The following GSK3B variants were observed in gnomAD, a reference collection of about 807,000 sequenced individuals.
GSK3B encodes glycogen synthase kinase-3 beta.
GSK3B carries 15 observed loss-of-function variants against 56.4 expected under a neutral mutation model. The observed-to-expected ratio is 0.27, with a 90% CI of 0.18 to 0.41. GSK3B has a LOEUF of 0.41. Ranked by LOEUF, GSK3B falls within the 10% of genes least tolerant of loss-of-function variation. The pLI is 1.00. For missense variants in GSK3B, 300 were observed against 513.4 expected (o/e 0.58, Z 4.02); for synonymous variants, 181 against 188.9 (o/e 0.96, Z 0.34).
intron 1 of GSK3B, among the ~76,000 whole-genome samples, chr3:120,046,512 T>C (rs956008442): frequency 6.6e-6 from 1 of 152,100 alleles, no homozygotes; most frequent in African/African-American, 2.4e-5. Flanking sequence ...TCTTAAAAAG[T>C]AAGAAAGAAA....
intron 2 of GSK3B, among the ~76,000 whole-genome samples, chr3:119,957,088 T>A (rs2057221805): frequency 6.6e-6 from 1 of 152,260 alleles, no homozygotes. Flanking sequence ...GGAAAGTTCC[T>A]TACCGTCAAT....
intron 7 of GSK3B, among the ~76,000 whole-genome samples, chr3:119,904,887 T>C (rs553002409): frequency 5.5e-4 from 83 of 152,032 alleles, no homozygotes; most frequent in African/African-American, 1.9e-3. Context: ...CCAGAGACAG[T>C]AGGTGTTGTT....
intron 1 of GSK3B, among the ~76,000 whole-genome samples, chr3:120,092,842 A>C (rs913773167): frequency 6.6e-6 from 1 of 152,240 alleles, no homozygotes; most frequent in African/African-American, 2.4e-5. Context: ...GTAGTCATAC[A>C]AACAAGAAAA....
At chr3:120,070,123 G>C (rs2058314336) in intron 1 of GSK3B, among the ~76,000 whole-genome samples, 1 of 151,800 alleles carries the variant, frequency 6.6e-6, no homozygotes, top group African/African-American at 2.4e-5. Flanking sequence ...TGAGGCAGAA[G>C]AATCACTTGA....
intron 2 of GSK3B, among the ~76,000 whole-genome samples, chr3:119,999,295 G>A (rs1054083182): frequency 6.6e-6 from 1 of 152,216 alleles, no homozygotes; most frequent in Non-Finnish European, 1.5e-5. Context: ...AGAAGGGGTA[G>A]AGGGGCTTGA....
At chr3:120,040,208 C>T (rs2058053743) in intron 1 of GSK3B, among the ~76,000 whole-genome samples, 1 of 152,248 alleles carries the variant, frequency 6.6e-6, no homozygotes, top group African/African-American at 2.4e-5. Context: ...CTACTGCTTG[C>T]AGTGCTGCTT....
intron 7 of GSK3B, among the ~76,000 whole-genome samples, chr3:119,903,078 C>A (rs1344722636): frequency 6.6e-6 from 1 of 152,136 alleles, no homozygotes; most frequent in East Asian, 1.9e-4. Context: ...AGTTTATTAA[C>A]CTTCATGCAA....
chr3:119,955,979 T>G (rs1559852087), intron 2 of GSK3B, among the ~76,000 whole-genome samples: 3 of 152,102 alleles, frequency 2.0e-5, no homozygotes, highest in Non-Finnish European at 4.4e-5. Context: ...ACAAGATATT[T>G]GTTTTAGGAA....
chr3:120,048,402 C>A lies in GSK3B; in HGVS notation c.88+44945G>T, dbSNP rs543505552. On this transcript the variant is annotated intron_variant, in intron 1 of 10. Coordinates refer to ENST00000264235, the MANE Select transcript of GSK3B (RefSeq NM_001146156.2). ...AATTGTTCCAAGACTCATACAAAGT[C>A]TAGCATAGTCACTAAGAGCATAAAC... Among the ~76,000 whole-genome samples, 10 of 152,334 alleles carry A rather than the reference C, an allele frequency of 6.6e-5. 1 individual carries two copies. The South Asian group carries it at 2.1e-3, about 32-fold the overall frequency.
intron 1 of GSK3B, among the ~76,000 whole-genome samples, chr3:120,070,831 C>T (rs1445056259): frequency 3.3e-5 from 5 of 152,182 alleles, no homozygotes; most frequent in East Asian, 1.9e-4. Context: ...ACAGTGCCAA[C>T]GTAGTTCAAA....
chr3:119,907,645 GT>G (rs1182971443), intron 6 of GSK3B, among the ~76,000 whole-genome samples: 1 of 152,106 alleles, frequency 6.6e-6, no homozygotes, highest in African/African-American at 2.4e-5. Flanking sequence ...GTTAGTTGGG[GT>G]TAAAGCCAGA....
chr3:119,997,371 C>T (rs1316939995), intron 2 of GSK3B, among the ~76,000 whole-genome samples: 1 of 152,090 alleles, frequency 6.6e-6, no homozygotes. Context: ...GATGTATTTA[C>T]ATGGAGGAAG....
At chr3:119,910,430 G>C (rs1020379201) in intron 6 of GSK3B, among the ~76,000 whole-genome samples, 4 of 152,048 alleles carry the variant, frequency 2.6e-5, no homozygotes, top group Non-Finnish European at 4.4e-5. Context: ...TAATAGAATT[G>C]TATAAAAACA....
At chr3:119,893,271 T>C (rs527576885) in intron 7 of GSK3B, among the ~76,000 whole-genome samples, 1 of 152,240 alleles carries the variant, frequency 6.6e-6, no homozygotes, top group East Asian at 1.9e-4. Context: ...AGTGCTAGGA[T>C]TTACTGCATG....
intron 9 of GSK3B, among the ~76,000 whole-genome samples, chr3:119,856,407 T>C (rs1299218282): frequency 6.6e-6 from 1 of 152,212 alleles, no homozygotes; most frequent in African/African-American, 2.4e-5. Context: ...TAGTGTTTGA[T>C]TGTTTGTTCC....
chr3:119,833,063 C>A, intron 10 of GSK3B: 1 of 739,856 alleles, frequency 1.4e-6, no homozygotes, highest in Non-Finnish European at 1.7e-6. Context: ...CTGCCCCACC[C>A]AAATGTTCAA....
chr3:120,073,466 CT>C lies in GSK3B; in HGVS notation c.88+19880del, dbSNP rs1432884078. 2.6e-5 allele frequency among the ~76,000 whole-genome samples: 4 copies of C among 152,234 alleles called. No individual in the cohort carries two copies. The East Asian group carries it at 7.7e-4, about 29-fold the overall frequency. On this transcript the variant is annotated intron_variant, in intron 1 of 10. Transcript: ENST00000264235. ...GATTTCAACTACACTTCTTACCCAT[CT>C]CTCACAGCCACTGTTTTATAGCTAG...
At chr3:119,925,315 C>T (rs1013042230) in intron 3 of GSK3B, among the ~76,000 whole-genome samples, 6 of 152,116 alleles carry the variant, frequency 3.9e-5, no homozygotes, top group Non-Finnish European at 8.8e-5. Context: ...GTGACAGAGC[C>T]ACACCTTGTC....
chr3:119,959,819 C>T (rs1401573327), intron 2 of GSK3B, among the ~76,000 whole-genome samples: 1 of 151,970 alleles, frequency 6.6e-6, no homozygotes, highest in African/African-American at 2.4e-5. Context: ...TCCCAAAGTG[C>T]TAGGATTACA....
Sources: gnomAD v4.1 joint callset for allele counts (sites outside exome capture counted in the v4.1 genomes callset) on GRCh38, gnomAD v4.1.1 for gene constraint, MANE v1.5 for transcripts, NCBI Gene and HGNC (gene_info 2026-07-23, HGNC 2026-07-21) for gene names.